RBMX: variants seen among roughly 807,000 people sequenced by gnomAD.
RBMX encodes the protein RNA-binding motif protein, X chromosome.
RBMX carries 1 observed loss-of-function variant against 29.3 expected under a neutral mutation model. The observed-to-expected ratio is 0.03, with a 90% CI of 0.01 to 0.16. The LOEUF is 0.16. Among genes scored for constraint, RBMX ranks in the 10% least tolerant of loss-of-function variants. RBMX has a pLI of 1.00. For synonymous variants in RBMX, 102 were observed against 102.3 expected (o/e 1.00, Z 0.02); for missense variants, 121 against 333.2 (o/e 0.36, Z 4.96).
chrX:136,876,868 C>CA (rs1309643081), intron 4 of RBMX, among the ~76,000 whole-genome samples: 1 of 105,554 alleles, frequency 9.5e-6, no homozygotes, highest in East Asian at 3.1e-4. Flanking sequence ...CCACCACACC[C>CA]AGCTAATTTT....
intron 4 of RBMX, 45 bp from the exon 5 acceptor site, chrX:136,876,700 CAAGA>C: frequency 2.9e-6 from 3 of 1,022,685 alleles, no homozygotes; most frequent in Admixed American, 3.3e-5. Flanking sequence ...TCACAAGAAT[CAAGA>C]AAGATATAAA....
At chrX:136,880,310 T>C (rs976070353) in intron 1 of RBMX, among the ~76,000 whole-genome samples, 1 of 112,215 alleles carries the variant, frequency 8.9e-6, no homozygotes, top group African/African-American at 3.2e-5. Context: ...GCCATACCAA[T>C]GCAGGTATCG....
chrX:136,876,730 T>TG, intron 4 of RBMX, 75 bp from the exon 5 acceptor site: 1 of 926,121 alleles, frequency 1.1e-6, no homozygotes, highest in Non-Finnish European at 1.4e-6. Context: ...TTTTTTTTTT[T>TG]TGAGAGTCTC....
In RBMX at chrX:136,875,318, T is replaced by C. The variant is rs779596723; in HGVS notation, c.722A>G (p.Tyr241Cys). The change falls in exon 7 of 9, where the codon TAT becomes TGT. Residue 241 changes from tyrosine to cysteine, a missense_variant. Coordinates refer to ENST00000320676, the MANE Select transcript of RBMX (RefSeq NM_002139.4). ...GGAATGACCATAATCACGGTAAGTA[T>C]AATCTCGTGGTGGTGGTGCATAATC... ...TRDYAPPPRD[Y>C]TYRDYGHSSS... 2.5e-6 allele frequency: 3 copies of C among 1,211,876 alleles called. No homozygotes were observed. The highest frequency in any genetic ancestry group is 3.3e-6 in the Non-Finnish European group (3 of 895,531).
At chrX:136,871,809 GTGTT>G (rs1305854880), downstream of RBMX, among the ~76,000 whole-genome samples, 16 of 78,130 alleles carry the variant, frequency 2.0e-4, no homozygotes, top group African/African-American at 5.0e-4. Flanking sequence ...ACCACGCCCG[GTGTT>G]TTTTTTTTTT....
At chrX:136,875,047 C>CA in intron 8 of RBMX, 39 bp downstream of exon 8, 3 of 1,203,314 alleles carry the variant, frequency 2.5e-6, no homozygotes, top group Non-Finnish European at 3.4e-6. Flanking sequence ...CCTAAAAACT[C>CA]AAGCTGGTGA....
intron 3 of RBMX, 65 bp from the exon 4 acceptor site, chrX:136,878,151 C>T (rs1025143394): frequency 4.1e-5 from 39 of 939,767 alleles, no homozygotes; most frequent in Admixed American, 6.7e-5. Flanking sequence ...CTACTATGCA[C>T]TAAGACACTA....
chrX:136,869,850 A>C (rs138391497), downstream of RBMX: 559 of 112,341 alleles, frequency 5.0e-3, 3 homozygotes, highest in African/African-American at 0.018. Context: ...TGTTTCCAAG[A>C]CTGGGAGGTA....
rs765220622 is a variant in RBMX at position 136,874,406 on chromosome X, A to G, written c.912T>C (p.Tyr304=). 5 of 1,212,572 alleles carry G rather than the reference A, an allele frequency of 4.1e-6. No individual in the cohort carries two copies. The highest frequency in any genetic ancestry group is 1.1e-6 in the Non-Finnish European group (1 of 895,674). Residue 304 remains tyrosine (Y), a synonymous_variant, in exon 9 of 9, where the codon TAT becomes TAC. Coordinates refer to ENST00000320676, the MANE Select transcript of RBMX (RefSeq NM_002139.4). ...AATCATCATAGCGACTGCTTCCACC[A>G]TAAGATGGCGGGGGCCCTCGTGTAG... ...APPTRGPPPS[Y]GGSSRYDDYS...
In RBMX at chrX:136,874,021, CAG is replaced by C. The variant is rs961752527; in HGVS notation, c.*119_*120del. 91 of 1,111,190 alleles carry C rather than the reference CAG, an allele frequency of 8.2e-5. No individual in the cohort carries two copies. Among genetic ancestry groups the C allele is most frequent in the Middle Eastern group, 7.3e-4 (2 of 2,744 alleles). 91.6% of individuals were successfully genotyped at this position (1,111,190 alleles called of 1,213,427 possible). A position where few individuals can be genotyped will look rare whatever the true frequency, so the allele number is the denominator to read the frequency against. Reference sequence around the variant, plus strand: ...ATAAAAATTATGGAGGGGAACTTAACAGGGAATTTAAAAAAAGTAACACAATT... The same window carrying C: ...ATAAAAATTATGGAGGGGAACTTAACGGAATTTAAAAAAAGTAACACAATT... On this transcript the variant is annotated 3_prime_UTR_variant, in exon 9 of 9. Transcript: ENST00000320676.
At chrX:136,880,221 G>A (rs1232554405) in intron 1 of RBMX, among the ~76,000 whole-genome samples, 1 of 111,399 alleles carries the variant, frequency 9.0e-6, no homozygotes, top group Admixed American at 9.5e-5. Context: ...ACATTCAGAG[G>A]GCTTCTTCTC....
chrX:136,869,895 C>T (rs1481361074), downstream of RBMX: 1 of 111,868 alleles, frequency 8.9e-6, no homozygotes, highest in Non-Finnish European at 1.9e-5. Context: ...CAAAAGAAAG[C>T]CAAGTGGCCT....
At chrX:136,869,614 C>T (rs1007496708), downstream of RBMX, 10 of 111,316 alleles carry the variant, frequency 9.0e-5, no homozygotes, top group Admixed American at 2.9e-4. Flanking sequence ...TGGTCATTAC[C>T]CTTGTGGTCT....
chrX:136,875,427 T>C lies in RBMX; in HGVS notation c.656+44A>G, dbSNP rs372361325. On this transcript the variant is annotated intron_variant, in intron 6 of 8. Transcript: ENST00000320676. ...GGTTTATGCTTTTGATAAGCTTTCC[T>C]TCAACCTTAATTATTAATTTAAAAA... 1,389 of 1,205,598 alleles carry C rather than the reference T, an allele frequency of 1.2e-3. 1 individual carries two copies. Among genetic ancestry groups the C allele is most frequent in the Non-Finnish European group, 1.3e-3 (1,184 of 893,557 alleles).
intron 5 of RBMX, 50 bp from the exon 6 acceptor site, chrX:136,875,635 A>G (rs1323532493): frequency 8.5e-7 from 1 of 1,178,667 alleles, no homozygotes; most frequent in Non-Finnish European, 1.1e-6. Context: ...AAAAAGTTAA[A>G]ACGTGAACTT....
rs777497816 is a variant in RBMX, at chrX:136,878,114, A to G, written c.217-28T>C. Reference sequence around the variant, plus strand: ...AAAAAAAAAGATACGATTAAATTAAATCAAGATTTAAAAATAATTTGCACA... The same window carrying G: ...AAAAAAAAAGATACGATTAAATTAAGTCAAGATTTAAAAATAATTTGCACA... On this transcript the variant is annotated intron_variant, in intron 3 of 8. Coordinates refer to ENST00000320676, the MANE Select transcript of RBMX (RefSeq NM_002139.4). 20 of 1,109,729 alleles carry G rather than the reference A, an allele frequency of 1.8e-5. No homozygotes were observed. The South Asian group carries it at 3.5e-4, about 19-fold the overall frequency. The allele number at this position is 1,109,729 out of a possible 1,213,427, so 91.5% of individuals were successfully genotyped here. A position where few individuals can be genotyped will look rare whatever the true frequency, so the allele number is the denominator to read the frequency against.
rs1184696689 is a variant in RBMX at position 136,875,602 on chromosome X, A to AT, written c.542-18dup. ...ATACAGGAGCTTAAGGAAAAATATC[A>AT]TTTTTTTAAACATAGCCAGAGAAAA... is the stretch of plus-strand genomic sequence containing the variant. On this transcript the variant is annotated splice_polypyrimidine_tract_variant and intron_variant, in intron 5 of 8. Coordinates refer to ENST00000320676, the MANE Select transcript of RBMX (RefSeq NM_002139.4). The AT allele has an allele frequency of 8.4e-7, 1 of 1,195,095 alleles. No homozygotes were observed. The highest frequency in any genetic ancestry group is 1.8e-5 in the African/African-American group (1 of 56,196).
intron 5 of RBMX, 82 bp downstream of exon 5, chrX:136,876,421 C>G: frequency 3.8e-6 from 4 of 1,048,531 alleles, no homozygotes; most frequent in Non-Finnish European, 5.0e-6. Context: ...CACGCCTGGC[C>G]AATTAAAATT....
At chrX:136,876,189 T>C (rs2077727256) in intron 5 of RBMX, among the ~76,000 whole-genome samples, 1 of 100,720 alleles carries the variant, frequency 9.9e-6, no homozygotes, top group Admixed American at 1.1e-4. Flanking sequence ...AGTGGCATGA[T>C]CTCGGTTCCC....
Sources: allele counts gnomAD v4.1 joint callset (sites outside exome capture counted in the v4.1 genomes callset), GRCh38; gene constraint gnomAD v4.1.1; transcripts MANE v1.5; gene names NCBI Gene and HGNC (gene_info 2026-07-23, HGNC 2026-07-21).